The following NCOA4 variants were observed in gnomAD, a reference collection of about 807,000 sequenced individuals.
NCOA4 encodes 70 kDa AR-activator.
In NCOA4, 31 loss-of-function variants were observed where a neutral mutation model predicts 69.5. The observed-to-expected ratio is 0.45, with a 90% confidence interval of 0.34 to 0.60. NCOA4 has a LOEUF of 0.60. Among genes scored for constraint, NCOA4 ranks in the 20% least tolerant of loss-of-function variants. The probability of loss-of-function intolerance (pLI) is 0.02; values close to 1 mark genes in which losing one functional copy is unlikely to be tolerated. For synonymous variants in NCOA4, 228 were observed against 252.4 expected, an observed-to-expected ratio of 0.90 and a Z score of 0.92; for missense variants, 600 against 719.2, an observed-to-expected ratio of 0.83 and a Z score of 1.90.
chr10:46,012,053 T>C, intron 7 of NCOA4, among the ~76,000 whole-genome samples: 1 of 91,186 alleles, frequency 1.1e-5, no homozygotes, highest in Non-Finnish European at 1.9e-5. Flanking sequence ...AGAGCAAGAC[T>C]CGGTCTCAAA....
intron 1 of NCOA4, among the ~76,000 whole-genome samples, chr10:46,021,118 G>A (rs903005519): frequency 1.1e-4 from 16 of 152,172 alleles, no homozygotes; most frequent in African/African-American, 3.9e-4. Flanking sequence ...TGTGAAGTCT[G>A]AAGATCATGG....
chr10:46,016,274 C>G (rs1839531795), intron 2 of NCOA4, among the ~76,000 whole-genome samples: 1 of 149,588 alleles, frequency 6.7e-6, no homozygotes, highest in Non-Finnish European at 1.5e-5. Flanking sequence ...GAGGAGTAAT[C>G]AAAAATCTAA....
chr10:46,028,841 G>C (rs1347649788), intron 1 of NCOA4, among the ~76,000 whole-genome samples: 3 of 152,026 alleles, frequency 2.0e-5, no homozygotes, highest in African/African-American at 7.2e-5. Flanking sequence ...TTTGAAATAA[G>C]AGACTGAGTT....
chr10:46,010,185 A>G, intron 8 of NCOA4, 38 bp downstream of exon 8: 1 of 1,543,930 alleles, frequency 6.5e-7, no homozygotes, highest in South Asian at 1.3e-5. Context: ...ATAAATAAAT[A>G]AAACTCAAAC....
intron 7 of NCOA4, 52 bp downstream of exon 7, chr10:46,012,831 A>AACTCC (rs1424180883): frequency 2.5e-6 from 4 of 1,595,636 alleles, no homozygotes; most frequent in Non-Finnish European, 3.4e-6. Flanking sequence ...ATTAGTAACT[A>AACTCC]ACTCCACCTA....
intron 1 of NCOA4, among the ~76,000 whole-genome samples, chr10:46,022,243 C>T (rs1301076732): frequency 6.6e-6 from 1 of 152,090 alleles, no homozygotes; most frequent in Non-Finnish European, 1.5e-5. Flanking sequence ...GCTAAAAGGC[C>T]AAGCGCAGCA....
chr10:46,011,003 C>T lies in NCOA4; in HGVS notation c.918G>A (p.Val306=). The T allele has an allele frequency of 6.2e-7, 1 of 1,613,966 alleles. No homozygotes were observed. The highest frequency in any genetic ancestry group is 8.5e-7 in the Non-Finnish European group (1 of 1,179,872). The change falls in exon 8 of 10, where the codon GTG becomes GTA. Residue 306 remains valine (V), a synonymous_variant. Coordinates refer to ENST00000581486, the MANE Select transcript of NCOA4 (RefSeq NM_001145263.2). ...QDEMDLSDWL[V]TPQESHKLRK... is the part of the protein sequence containing the mutation. ...GCAGCTTATGGGATTCCTGGGGAGT[C>T]ACTAGCCAATCTGATAGGTCCATCT...
intron 9 of NCOA4, among the ~76,000 whole-genome samples, chr10:46,008,424 T>C (rs1838978781): frequency 6.6e-6 from 1 of 152,176 alleles, no homozygotes; most frequent in Admixed American, 6.5e-5. Context: ...TTGGAGGAAC[T>C]CAGGACTTCA....
intron 7 of NCOA4, among the ~76,000 whole-genome samples, chr10:46,012,105 G>GAAAAAA (rs1839267522): frequency 1.1e-3 from 56 of 50,014 alleles, no homozygotes; most frequent in Non-Finnish European, 1.5e-3. Flanking sequence ...AAAAAAAAAC[G>GAAAAAA]AAAAAAGAAA....
chr10:46,008,763 A>C lies in NCOA4; in HGVS notation c.1839+648T>G, dbSNP rs147899729. Among the ~76,000 whole-genome samples the C allele has an allele frequency of 2.8e-3, 423 of 152,322 alleles. 3 individuals carry two copies. The highest frequency in any genetic ancestry group is 0.022 in the East Asian group (113 of 5,186). On this transcript the variant is annotated intron_variant, in intron 9 of 9. Coordinates refer to ENST00000581486, the MANE Select transcript of NCOA4 (RefSeq NM_001145263.2). ...CATCACATGTTAGAAATATTTCGTG[A>C]AAGGAAAAGTCAATCGATGCAGCAA...
At chr10:46,027,038 G>A (rs1249445725) in intron 1 of NCOA4, among the ~76,000 whole-genome samples, 1 of 152,130 alleles carries the variant, frequency 6.6e-6, no homozygotes. Context: ...GGCCGAGGCG[G>A]GCGGATCACG....
intron 1 of NCOA4, among the ~76,000 whole-genome samples, chr10:46,024,266 G>C (rs1426588326): frequency 6.6e-6 from 1 of 152,092 alleles, no homozygotes; most frequent in Non-Finnish European, 1.5e-5. Flanking sequence ...ACAATTTTAT[G>C]GTCCTTTGTA....
chr10:46,014,623 G>T, intron 4 of NCOA4, 71 bp from the exon 5 acceptor site: 3 of 1,132,146 alleles, frequency 2.6e-6, no homozygotes, highest in Non-Finnish European at 3.9e-6. Context: ...TAAAACAAAA[G>T]CCAAATTGTG....
In NCOA4 at chr10:46,014,538, G is replaced by A. The variant is rs781922398; in HGVS notation, c.386C>T (p.Thr129Ile). The change falls in exon 5 of 10, where the codon ACC becomes ATC. Residue 129 changes from threonine to isoleucine, a missense_variant. Coordinates refer to ENST00000581486, the MANE Select transcript of NCOA4 (RefSeq NM_001145263.2). The stretch of plus-strand genomic sequence containing the variant: ...GACAGTTGAATCTTCAGGCTTAAGG[G>A]TCAAACTGCCCAGTCTGGGGAAAAA... ...SVCLERLGSLTLKPEDSTVLL... is the reference protein window; with the variant it reads ...SVCLERLGSLILKPEDSTVLL... 2 of 1,611,724 alleles carry A rather than the reference G, an allele frequency of 1.2e-6. No individual in the cohort carries two copies. Among genetic ancestry groups the A allele is most frequent in the Non-Finnish European group, 1.7e-6 (2 of 1,178,780 alleles).
Position 46,006,725 on chromosome 10 carries a change from T to C in NCOA4, c.1840-128A>G, listed in dbSNP as rs1258905807. 33 of 880,088 alleles carry C rather than the reference T, an allele frequency of 3.7e-5. No homozygotes were observed. In the Admixed American group the frequency reaches 6.1e-4, roughly 16 times the overall value. The allele number at this position is 880,088 out of a possible 1,614,324, so 54.5% of individuals were successfully genotyped here. A position where few individuals can be genotyped will look rare whatever the true frequency, so the allele number is the denominator to read the frequency against. On this transcript the variant is annotated intron_variant, in intron 9 of 9. Transcript: ENST00000581486. ...TTGTTACATTGTATTTTTTACAAAT[T>C]AAGCATTTGTGTCATGAACTATGCC...
At position 46,005,849 on chromosome 10, in the gene NCOA4, G is replaced by T. The variant is rs1201691372; in HGVS notation, c.*743C>A. ...TACTGGGGTTCTTTTAAGCCCCGTAGGTCTGTAGAATATTTTAAAAGGCTA... is the reference window on the plus strand; with the variant it reads ...TACTGGGGTTCTTTTAAGCCCCGTATGTCTGTAGAATATTTTAAAAGGCTA... On this transcript the variant is annotated 3_prime_UTR_variant, in exon 10 of 10. Coordinates refer to ENST00000581486, the MANE Select transcript of NCOA4 (RefSeq NM_001145263.2). The T allele has an allele frequency of 4.8e-6, 1 of 207,444 alleles. No individual in the cohort carries two copies. Among genetic ancestry groups the T allele is most frequent in the East Asian group, 7.4e-5 (1 of 13,526 alleles). The allele number at this position is 207,444 out of a possible 1,614,324, so 12.9% of individuals were successfully genotyped here.
Position 46,013,146 on chromosome 10 carries a change from C to A in NCOA4, c.571-120G>T, listed in dbSNP as rs142443953. ...GGGCAAATCATGTGCCTTCCAAGAG[C>A]CTCAATTTTCACAATTATAAAACAA... On this transcript the variant is annotated intron_variant, in intron 6 of 9. Coordinates refer to ENST00000581486, the MANE Select transcript of NCOA4 (RefSeq NM_001145263.2). 4.4e-3 allele frequency: 3,658 copies of A among 838,320 alleles called. 16 individuals are homozygous for A. The highest frequency in any genetic ancestry group is 6.0e-3 in the Non-Finnish European group (3,211 of 537,468). 51.9% of individuals were successfully genotyped at this position (838,320 alleles called of 1,614,324 possible). A position where few individuals can be genotyped will look rare whatever the true frequency, so the allele number is the denominator to read the frequency against.
intron 3 of NCOA4, 86 bp downstream of exon 3, chr10:46,015,040 C>A (rs542641884): frequency 6.3e-7 from 1 of 1,594,936 alleles, no homozygotes; most frequent in African/African-American, 1.3e-5. Flanking sequence ...TCTATCTGAT[C>A]TATATTAACA....
rs1373749390 is a variant in NCOA4 at position 46,005,366 on chromosome 10, C to G, written c.*1226G>C. 3 of 213,256 alleles carry G rather than the reference C, an allele frequency of 1.4e-5. No homozygotes were observed. The East Asian group carries it at 2.1e-4, about 15-fold the overall frequency. 13.2% of individuals were successfully genotyped at this position (213,256 alleles called of 1,614,324 possible). On this transcript the variant is annotated 3_prime_UTR_variant, in exon 10 of 10. Coordinates refer to ENST00000581486, the MANE Select transcript of NCOA4 (RefSeq NM_001145263.2). ...CTTTTCAGCTGTGGTTCAAAGAACT[C>G]TAGTGAAGCTGTATGGCAATGACAT...
Sources: gnomAD v4.1 joint callset for allele counts (sites outside exome capture counted in the v4.1 genomes callset) on GRCh38, gnomAD v4.1.1 for gene constraint, MANE v1.5 for transcripts, NCBI Gene and HGNC (gene_info 2026-07-23, HGNC 2026-07-21) for gene names.